Variants in TMEM114 observed in about 807,000 individuals in gnomAD.
TMEM114 encodes the protein transmembrane protein 114.
A neutral mutation model predicts 6.2 loss-of-function variants in TMEM114; 6 were observed. The ratio of observed to expected loss-of-function variants is 0.97; its 90% CI spans 0.53 to 1.91. The LOEUF (loss-of-function observed/expected upper bound fraction) is 1.91. Among genes scored for constraint, TMEM114 ranks in the 40% most tolerant of loss-of-function variants. The pLI, the probability that TMEM114 is intolerant of heterozygous loss-of-function variation, is 0.01. For missense variants in TMEM114, 218 were observed against 158.3 expected (o/e 1.38, Z -2.02); for synonymous variants, 104 against 73.0 (o/e 1.42, Z -2.16).
At chr16:8,562,153 TAA>T (rs1901252280) in intron 2 of TMEM114, among the ~76,000 whole-genome samples, 1 of 150,940 alleles carries the variant, frequency 6.6e-6, no homozygotes, top group Non-Finnish European at 1.5e-5. Flanking sequence ...AGTTAGTGAA[TAA>T]GTGAGTTAGT....
Position 8,569,759 on chromosome 16 carries a change from C to T in TMEM114, c.*14G>A, listed in dbSNP as rs1317824663. 1 of 1,544,792 alleles carries T rather than the reference C, an allele frequency of 6.5e-7. No individual in the cohort carries two copies. Among genetic ancestry groups the T allele is most frequent in the African/African-American group, 1.4e-5 (1 of 72,950 alleles). On this transcript the variant is annotated 3_prime_UTR_variant, in exon 4 of 4. Coordinates refer to ENST00000620492, the MANE Select transcript of TMEM114 (RefSeq NM_001146336.2). ...CCAAGCCCCTCCCTCCCCTCCACGA[C>T]CCAGCGCCCAGGCTCATATGGCCTG...
intron 2 of TMEM114, among the ~76,000 whole-genome samples, chr16:8,552,533 G>T (rs1900879821): frequency 6.6e-6 from 1 of 151,498 alleles, no homozygotes; most frequent in Admixed American, 6.6e-5. Flanking sequence ...CACACACAAA[G>T]ATAAGATCTG....
At chr16:8,528,555 G>T in the TMEM114 span, among the ~76,000 whole-genome samples, 5 of 152,126 alleles carry the variant, frequency 3.3e-5, no homozygotes, top group Admixed American at 6.5e-5. Flanking sequence ...CAAGAGGAGC[G>T]CAACAGGCTT....
downstream of TMEM114, among the ~76,000 whole-genome samples, chr16:8,536,972 A>G (rs1900379098): frequency 6.6e-6 from 1 of 151,748 alleles, no homozygotes; most frequent in South Asian, 2.1e-4. Flanking sequence ...GGTGTGAGCC[A>G]AAGTGGGAGG....
chr16:8,565,061 G>C (rs202082121), downstream of TMEM114, among the ~76,000 whole-genome samples: 28 of 148,290 alleles, frequency 1.9e-4, no homozygotes, highest in African/African-American at 5.7e-4. Context: ...GAGTGAGTGA[G>C]TGAATGAGTG....
chr16:8,561,269 T>C (rs1235748602), intron 2 of TMEM114, among the ~76,000 whole-genome samples: 2 of 152,216 alleles, frequency 1.3e-5, no homozygotes, highest in South Asian at 2.1e-4. Context: ...ATTGAGCTAG[T>C]TAATCAAGGC....
intron 2 of TMEM114, among the ~76,000 whole-genome samples, chr16:8,554,456 A>G (rs34939535): frequency 0.45 from 67,503 of 151,624 alleles, 15,756 homozygotes; most frequent in African/African-American, 0.57. Context: ...GAGAGAGAGA[A>G]TCTCCTTCTT....
chr16:8,589,128 C>G (rs1902404631), intron 2 of TMEM114, 85 bp downstream of exon 2: 1 of 397,576 alleles, frequency 2.5e-6, no homozygotes, highest in Admixed American at 4.4e-5. Context: ...CCGCAGGCCC[C>G]GAAGCCCGGC....
At chr16:8,547,120 G>C (rs1567196106) in intron 2 of TMEM114, among the ~76,000 whole-genome samples, 1 of 152,190 alleles carries the variant, frequency 6.6e-6, no homozygotes. Context: ...GGATCGTGTG[G>C]TCTCATTGAC....
At chr16:8,558,225 G>A (rs928628795) in intron 2 of TMEM114, among the ~76,000 whole-genome samples, 10 of 152,188 alleles carry the variant, frequency 6.6e-5, no homozygotes, top group Non-Finnish European at 1.5e-5. Flanking sequence ...TCCAGCCTAG[G>A]CAACAGAATG....
At position 8,569,662 on chromosome 16, in the gene TMEM114, C is replaced by G. The variant is rs1234175154; in HGVS notation, c.*111G>C. 6.5e-5 allele frequency: 94 copies of G among 1,443,214 alleles called. No individual in the cohort carries two copies. The highest frequency in any genetic ancestry group is 8.3e-5 in the Non-Finnish European group (92 of 1,102,078). 89.4% of individuals were successfully genotyped at this position (1,443,214 alleles called of 1,614,324 possible). Reference sequence around the variant, plus strand: ...ATTTGTGGGGGAAGGAGGGGGGTGCCTGGCCTCCCCGAGTGGCCTTTGAGG... The same window carrying G: ...ATTTGTGGGGGAAGGAGGGGGGTGCGTGGCCTCCCCGAGTGGCCTTTGAGG... On this transcript the variant is annotated 3_prime_UTR_variant, in exon 4 of 4. Coordinates refer to ENST00000620492, the MANE Select transcript of TMEM114 (RefSeq NM_001146336.2).
intron 2 of TMEM114, among the ~76,000 whole-genome samples, chr16:8,576,666 C>T (rs1042181272): frequency 6.6e-6 from 1 of 151,140 alleles, no homozygotes; most frequent in African/African-American, 2.4e-5. Flanking sequence ...GTAGTACATG[C>T]TCCCTGTGCA....
chr16:8,581,153 G>A (rs763792552), intron 2 of TMEM114, among the ~76,000 whole-genome samples: 1 of 152,168 alleles, frequency 6.6e-6, no homozygotes, highest in African/African-American at 2.4e-5. Context: ...ATATTGGGGA[G>A]TTTCTTTGAG....
intron 2 of TMEM114, among the ~76,000 whole-genome samples, chr16:8,541,449 G>A (rs1043976990): frequency 7.2e-5 from 11 of 152,156 alleles, no homozygotes; most frequent in African/African-American, 1.4e-4. Flanking sequence ...TGTAAACAGT[G>A]ATATCTACTA....
At chr16:8,535,173 A>G (rs1900320087), downstream of TMEM114, among the ~76,000 whole-genome samples, 1 of 152,238 alleles carries the variant, frequency 6.6e-6, no homozygotes, top group South Asian at 2.1e-4. Context: ...TTGGAACCAC[A>G]TACTTCATAA....
chr16:8,531,236 C>T, the TMEM114 span, among the ~76,000 whole-genome samples: 1 of 152,218 alleles, frequency 6.6e-6, no homozygotes, highest in Non-Finnish European at 1.5e-5. Context: ...AATTCATAAA[C>T]CATTGACATT....
At chr16:8,550,599 A>T (rs1024458517) in intron 2 of TMEM114, among the ~76,000 whole-genome samples, 1 of 150,700 alleles carries the variant, frequency 6.6e-6, no homozygotes, top group Non-Finnish European at 1.5e-5. Flanking sequence ...AATTGCTTGA[A>T]CCCTGGAGGC....
chr16:8,554,567 C>T (rs1900947703), intron 2 of TMEM114, among the ~76,000 whole-genome samples: 2 of 152,132 alleles, frequency 1.3e-5, no homozygotes, highest in Non-Finnish European at 2.9e-5. Flanking sequence ...GTGGGGTTGG[C>T]TCTGCTTCTC....
At position 8,545,358 on chromosome 16, in the gene TMEM114, C is replaced by G. The variant is rs13331252; in HGVS notation, n.213-7532G>C. Among the ~76,000 whole-genome samples, 272 of 152,270 alleles carry G rather than the reference C, an allele frequency of 1.8e-3. 1 individual carries two copies. Among genetic ancestry groups the G allele is most frequent in the African/African-American group, 5.9e-3 (246 of 41,546 alleles). ...GGCTGAGGCAGGAGGATTGCTTGAGCCCAGGAGGTTGAGGTTGCAGTGAGC... is the reference window on the plus strand; with the variant it reads ...GGCTGAGGCAGGAGGATTGCTTGAGGCCAGGAGGTTGAGGTTGCAGTGAGC... On this transcript the variant is annotated intron_variant and non_coding_transcript_variant, in intron 2 of 2. Coordinates refer to the TMEM114 transcript ENST00000623677.
Sources: gnomAD v4.1 joint callset for allele counts (sites outside exome capture counted in the v4.1 genomes callset) on GRCh38, gnomAD v4.1.1 for gene constraint, MANE v1.5 for transcripts, NCBI Gene and HGNC (gene_info 2026-07-23, HGNC 2026-07-21) for gene names.